Variants in P2RX7 observed in about 807,000 individuals in gnomAD.
P2RX7 encodes P2X purinoceptor 7.
In P2RX7, 62 loss-of-function variants were observed where a neutral mutation model predicts 71.6. That is an observed-to-expected ratio of 0.87 (90% CI 0.71 to 1.07). P2RX7 has a LOEUF of 1.07. P2RX7 is among the 50% of genes least tolerant of loss of function. P2RX7 has a pLI of 0.00. For missense variants in P2RX7, 686 were observed against 748.5 expected (o/e 0.92, Z 0.97); for synonymous variants, 299 against 283.3 (o/e 1.06, Z -0.56).
intron 5 of P2RX7, among the ~76,000 whole-genome samples, chr12:121,163,563 T>C (rs535178163): frequency 8.8e-6 from 1 of 114,106 alleles, no homozygotes; most frequent in East Asian, 2.7e-4. Context: ...GAAAGATAGA[T>C]AGATAGATAA....
chr12:121,165,391 G>C lies in P2RX7; in HGVS notation c.568G>C (p.Val190Leu). The change falls in exon 6 of 13, where the codon GTG becomes CTG. Residue 190 changes from valine to leucine, a missense_variant. Val to Leu is a conservative substitution (Grantham distance 32). Transcript: ENST00000328963. ...CTTGAACAGTGCCGAAAACTTCACTGTGCTCATCAAGAACAATATCGACTT... is the reference window on the plus strand; with the variant it reads ...CTTGAACAGTGCCGAAAACTTCACTCTGCTCATCAAGAACAATATCGACTT... ...ALLNSAENFTVLIKNNIDFPG... is the reference protein window; with the variant it reads ...ALLNSAENFTLLIKNNIDFPG... 1 of 1,614,064 alleles carries C rather than the reference G, an allele frequency of 6.2e-7. No homozygotes were observed.
At chr12:121,143,577 C>T (rs1170258284) in intron 1 of P2RX7, among the ~76,000 whole-genome samples, 4 of 150,990 alleles carry the variant, frequency 2.6e-5, no homozygotes, top group African/African-American at 9.7e-5. Context: ...CGGCCAGGCG[C>T]GGTGGCTCAC....
intron 1 of P2RX7, among the ~76,000 whole-genome samples, chr12:121,140,699 A>C (rs368817816): frequency 1.3e-5 from 2 of 152,324 alleles, no homozygotes; most frequent in South Asian, 2.1e-4. Flanking sequence ...GGCCAGGCAA[A>C]GGTGGAGACT....
intron 11 of P2RX7, among the ~76,000 whole-genome samples, chr12:121,178,433 A>G (rs2136149651): frequency 6.6e-6 from 1 of 152,320 alleles, no homozygotes; most frequent in South Asian, 2.1e-4. Flanking sequence ...CAACAACCTG[A>G]TGTAGACAGA....
chr12:121,166,437 T>C (rs1415368875), intron 7 of P2RX7, among the ~76,000 whole-genome samples: 3 of 152,222 alleles, frequency 2.0e-5, no homozygotes, highest in Admixed American at 6.5e-5. Context: ...CAAAGCTTAG[T>C]GGCTTCAAAG....
intron 1 of P2RX7, among the ~76,000 whole-genome samples, chr12:121,151,761 C>A (rs1378108238): frequency 6.6e-6 from 1 of 152,030 alleles, no homozygotes; most frequent in Non-Finnish European, 1.5e-5. Context: ...ACACTCCATG[C>A]CCCCCAGGAG....
chr12:121,165,480 G>A, intron 6 of P2RX7, 43 bp downstream of exon 6: 2 of 1,457,140 alleles, frequency 1.4e-6, no homozygotes, highest in Non-Finnish European at 1.9e-6. Context: ...ATCTACTGCT[G>A]AGTAATAAAT....
In P2RX7 at chr12:121,184,390, T is replaced by C; in HGVS notation, c.1376T>C (p.Ile459Thr). 1 of 1,614,072 alleles carries C rather than the reference T, an allele frequency of 6.2e-7. No individual in the cohort carries two copies. The highest frequency in any genetic ancestry group is 8.5e-7 in the Non-Finnish European group (1 of 1,180,012). ...TPPIPGQPEE[I>T]QLLRKEATPR... The stretch of plus-strand genomic sequence containing the variant: ...CCGATTCCTGGACAACCAGAGGAGA[T>C]ACAGCTGCTTAGAAAGGAGGCGACT... The change falls in exon 13 of 13, where the codon ATA (isoleucine) becomes ACA (threonine). Residue 459 changes from isoleucine to threonine, a missense_variant. Physicochemically the swap from Ile to Thr is moderately conservative, Grantham distance 89. Transcript: ENST00000328963.
chr12:121,150,895 T>C (rs1277350505), intron 1 of P2RX7, among the ~76,000 whole-genome samples: 1 of 152,054 alleles, frequency 6.6e-6, no homozygotes, highest in East Asian at 1.9e-4. Context: ...GGCAACAGAG[T>C]GAGACTCCGT....
intron 3 of P2RX7, among the ~76,000 whole-genome samples, chr12:121,160,355 C>T (rs1879423464): frequency 6.6e-6 from 1 of 152,186 alleles, no homozygotes; most frequent in Admixed American, 6.5e-5. Context: ...CCATGTTGAG[C>T]AGGCTGGTCT....
intron 11 of P2RX7, among the ~76,000 whole-genome samples, chr12:121,179,439 G>A (rs1185801402): frequency 6.6e-6 from 1 of 151,042 alleles, no homozygotes; most frequent in Non-Finnish European, 1.5e-5. Context: ...GGTGGAGGTT[G>A]TGGTGAGCCA....
intron 11 of P2RX7, among the ~76,000 whole-genome samples, chr12:121,180,147 C>CAAAAAAAA: frequency 1.5e-5 from 1 of 64,648 alleles, no homozygotes; most frequent in Non-Finnish European, 2.9e-5. Flanking sequence ...AACTCCAACT[C>CAAAAAAAA]AAAAAAAAAA....
intron 11 of P2RX7, among the ~76,000 whole-genome samples, chr12:121,178,298 G>A (rs1883498296): frequency 6.6e-6 from 1 of 152,122 alleles, no homozygotes; most frequent in South Asian, 2.1e-4. Context: ...CAGGTGAATG[G>A]TGAAACTATG....
At chr12:121,182,061 T>TAAAA (rs57873643) in intron 12 of P2RX7, among the ~76,000 whole-genome samples, 7,347 of 128,644 alleles carry the variant, frequency 0.057, 235 homozygotes, top group Non-Finnish European at 0.079. Context: ...AAGCTCCATC[T>TAAAA]AAAAAAAAAA....
At chr12:121,163,867 T>C (rs1403724151) in intron 5 of P2RX7, among the ~76,000 whole-genome samples, 1 of 152,166 alleles carries the variant, frequency 6.6e-6, no homozygotes, top group East Asian at 1.9e-4. Context: ...CTCAGCATCG[T>C]GGGGCAAAGA....
chr12:121,153,151 C>A (rs1461798490), intron 1 of P2RX7, among the ~76,000 whole-genome samples: 1 of 152,176 alleles, frequency 6.6e-6, no homozygotes, highest in Non-Finnish European at 1.5e-5. Context: ...TCCCCCGACC[C>A]GTGGAATCCT....
intron 12 of P2RX7, among the ~76,000 whole-genome samples, chr12:121,181,087 A>C (rs1884076598): frequency 1.3e-5 from 2 of 152,180 alleles, no homozygotes; most frequent in Non-Finnish European, 2.9e-5. Context: ...GCCCTCTCTT[A>C]AAAGTAGTCA....
At chr12:121,165,683 C>A (rs989690572) in intron 6 of P2RX7, among the ~76,000 whole-genome samples, 1 of 152,214 alleles carries the variant, frequency 6.6e-6, no homozygotes, top group South Asian at 2.1e-4. Context: ...CAAGCTCTCA[C>A]ACAGTTGCTC....
rs1019637975 is a variant in P2RX7 at position 121,149,927 on chromosome 12, C to T, written c.126-4858C>T. On this transcript the variant is annotated intron_variant, in intron 1 of 12. Coordinates refer to ENST00000328963, the MANE Select transcript of P2RX7 (RefSeq NM_002562.6). This position sits in a 1 kb window ranked among gnomAD's most constrained non-coding sequence, Gnocchi z 4.7. ...CCTAGGTCCTTCACACTCCCGTTAG[C>T]TCCAGGTACCAGCGGCTTTGCCTTC... is the stretch of plus-strand genomic sequence containing the variant. Among the ~76,000 whole-genome samples, 8 of 152,174 alleles carry T rather than the reference C, an allele frequency of 5.3e-5. No homozygotes were observed. The highest frequency in any genetic ancestry group is 2.0e-4 in the Admixed American group (3 of 15,278).
Sources: allele counts gnomAD v4.1 joint callset (sites outside exome capture counted in the v4.1 genomes callset), GRCh38; gene constraint gnomAD v4.1.1; non-coding constraint Gnocchi (gnomAD v3.1); transcripts MANE v1.5; gene names NCBI Gene and HGNC (gene_info 2026-07-23, HGNC 2026-07-21).